The following ENTHD1 variants were observed in gnomAD, a reference collection of about 807,000 sequenced individuals.
The protein encoded by ENTHD1 is ENTH domain containing 1.
ENTHD1 carries 23 observed loss-of-function variants against 39.1 expected under a neutral mutation model. That is an observed-to-expected ratio of 0.59 (90% CI 0.42 to 0.83). ENTHD1 has a LOEUF of 0.83. Among genes scored for constraint, ENTHD1 ranks in the 40% least tolerant of loss-of-function variants. The pLI is 0.00. For synonymous variants in ENTHD1, 230 were observed against 258.2 expected (o/e 0.89, Z 1.05); for missense variants, 624 against 705.4 (o/e 0.88, Z 1.31).
At chr22:39,880,772 G>A (rs1256994515) in intron 2 of ENTHD1, among the ~76,000 whole-genome samples, 2 of 152,202 alleles carry the variant, frequency 1.3e-5, no homozygotes, top group Admixed American at 1.3e-4. Context: ...CTGGTTAAAT[G>A]TTTGGTCAAA....
chr22:39,847,539 A>T (rs900962510), intron 3 of ENTHD1, among the ~76,000 whole-genome samples: 1 of 151,744 alleles, frequency 6.6e-6, no homozygotes, highest in Non-Finnish European at 1.5e-5. Context: ...TAAAAATAAA[A>T]AAATAAAGTC....
chr22:39,847,242 TAATC>T (rs2065996427), intron 3 of ENTHD1, among the ~76,000 whole-genome samples: 1 of 151,408 alleles, frequency 6.6e-6, no homozygotes, highest in Non-Finnish European at 1.5e-5. Context: ...AAATTGGAAA[TAATC>T]ATTCTCAGTA....
chr22:39,780,820 A>C (rs2065403513), intron 5 of ENTHD1, among the ~76,000 whole-genome samples: 1 of 152,120 alleles, frequency 6.6e-6, no homozygotes, highest in African/African-American at 2.4e-5. Context: ...AACACAGTGA[A>C]ACCCCGTCTC....
At chr22:39,829,803 A>C (rs1023858828) in intron 4 of ENTHD1, among the ~76,000 whole-genome samples, 8 of 151,052 alleles carry the variant, frequency 5.3e-5, no homozygotes, top group African/African-American at 1.9e-4. Flanking sequence ...TAAATAAATA[A>C]ATAAATAAAT....
chr22:39,757,456 A>T (rs1334462243), intron 6 of ENTHD1, among the ~76,000 whole-genome samples: 2 of 151,784 alleles, frequency 1.3e-5, no homozygotes, highest in African/African-American at 2.4e-5. Context: ...AAAATTAAAA[A>T]TTTTCGGCCA....
At chr22:39,745,716 C>T (rs566005797) in intron 6 of ENTHD1, among the ~76,000 whole-genome samples, 16 of 152,206 alleles carry the variant, frequency 1.1e-4, no homozygotes, top group African/African-American at 2.6e-4. Flanking sequence ...ATGTTAATGA[C>T]GATAGCCATG....
intron 5 of ENTHD1, among the ~76,000 whole-genome samples, chr22:39,785,464 T>C (rs1270006420): frequency 2.0e-5 from 3 of 152,240 alleles, no homozygotes. Context: ...GCTCAGCTCC[T>C]CTAGGGTGTT....
At chr22:39,833,941 CAAAAAAAAAAA>C (rs59299623) in intron 4 of ENTHD1, among the ~76,000 whole-genome samples, 1 of 117,936 alleles carries the variant, frequency 8.5e-6, no homozygotes, top group South Asian at 2.9e-4. Context: ...TATACTTGGG[CAAAAAAAAAAA>C]AAAAAAAAAA....
chr22:39,874,805 A>T (rs181694684), intron 2 of ENTHD1, among the ~76,000 whole-genome samples: 7 of 152,344 alleles, frequency 4.6e-5, no homozygotes, highest in Admixed American at 1.3e-4. Context: ...GCAAATTAAA[A>T]CCAAATTGAA....
chr22:39,827,932 G>T (rs2065838713), intron 4 of ENTHD1, among the ~76,000 whole-genome samples: 1 of 152,126 alleles, frequency 6.6e-6, no homozygotes, highest in African/African-American at 2.4e-5. Flanking sequence ...ATATATATAT[G>T]TATGTGTATA....
chr22:39,818,981 A>T (rs2065756350), intron 5 of ENTHD1, among the ~76,000 whole-genome samples: 1 of 152,200 alleles, frequency 6.6e-6, no homozygotes, highest in African/African-American at 2.4e-5. Context: ...TCAGTAGGTG[A>T]ATGGATAAAT....
chr22:39,744,369 A>C, intron 6 of ENTHD1, 86 bp from the exon 7 acceptor site: 2 of 1,258,850 alleles, frequency 1.6e-6, no homozygotes, highest in Non-Finnish European at 2.2e-6. Context: ...GTAAAAGCCT[A>C]TCTGGAAGGG....
intron 5 of ENTHD1, among the ~76,000 whole-genome samples, chr22:39,770,766 G>A (rs188308692): frequency 1.5e-4 from 23 of 152,284 alleles, no homozygotes; most frequent in Non-Finnish European, 2.6e-4. Flanking sequence ...AGGCAGACTT[G>A]GATGCAAGTA....
chr22:39,827,013 AAT>A (rs2065832246), intron 4 of ENTHD1, among the ~76,000 whole-genome samples: 1 of 148,782 alleles, frequency 6.7e-6, no homozygotes, highest in African/African-American at 2.5e-5. Context: ...ATGCCCAACT[AAT>A]TTTTTTTTTT....
intron 5 of ENTHD1, among the ~76,000 whole-genome samples, chr22:39,814,024 TA>T (rs946249122): frequency 1.3e-5 from 2 of 152,006 alleles, no homozygotes; most frequent in Non-Finnish European, 2.9e-5. Context: ...GAAAAACTAT[TA>T]AAAAAACACA....
intron 5 of ENTHD1, among the ~76,000 whole-genome samples, chr22:39,798,056 A>G (rs916648466): frequency 6.6e-6 from 1 of 152,158 alleles, no homozygotes; most frequent in Non-Finnish European, 1.5e-5. Context: ...CTTCTTGAAC[A>G]TCCCAGATGT....
rs140491580 is a variant in ENTHD1 at position 39,754,773 on chromosome 22, G to GT, written c.1219+10449dup. Among the ~76,000 whole-genome samples, 259 of 152,152 alleles carry GT rather than the reference G, an allele frequency of 1.7e-3. 9 individuals are homozygous for GT. The East Asian group carries it at 0.048, about 28-fold the overall frequency. On this transcript the variant is annotated intron_variant, in intron 6 of 6. Coordinates refer to ENST00000325157, the MANE Select transcript of ENTHD1 (RefSeq NM_152512.4). Reference sequence around the variant, plus strand: ...TCTGTTGTCTAACACCTCTCACCTGGTTTTTTACAACAGCCTTTGAAGTGT... The same window carrying GT: ...TCTGTTGTCTAACACCTCTCACCTGGTTTTTTTACAACAGCCTTTGAAGTGT...
intron 5 of ENTHD1, among the ~76,000 whole-genome samples, chr22:39,808,729 A>C (rs2065662823): frequency 6.6e-6 from 1 of 152,226 alleles, no homozygotes; most frequent in South Asian, 2.1e-4. Context: ...TAATTATCAC[A>C]ATAATGAAAA....
At chr22:39,757,383 C>T (rs560848230) in intron 6 of ENTHD1, among the ~76,000 whole-genome samples, 115 of 152,244 alleles carry the variant, frequency 7.6e-4, no homozygotes, top group African/African-American at 2.7e-3. Flanking sequence ...AATCCTCCCA[C>T]CTCAGCCTCC....
Sources: allele counts gnomAD v4.1 joint callset (sites outside exome capture counted in the v4.1 genomes callset), GRCh38; gene constraint gnomAD v4.1.1; transcripts MANE v1.5; gene names NCBI Gene and HGNC (gene_info 2026-07-23, HGNC 2026-07-21).